Variants in PPP3CA observed in about 807,000 individuals in gnomAD.
The protein encoded by PPP3CA is protein phosphatase 3 catalytic subunit alpha, also known as CAM-PRP catalytic subunit.
PPP3CA carries 14 observed loss-of-function variants against 66.5 expected under a neutral mutation model. That is an observed-to-expected ratio of 0.21 (90% CI 0.14 to 0.33). The LOEUF is 0.33. Ranked by LOEUF, PPP3CA falls within the 10% of genes least tolerant of loss-of-function variation. The pLI is 1.00. For synonymous variants in PPP3CA, 232 were observed against 226.2 expected (o/e 1.03, Z -0.23); for missense variants, 317 against 639.5 (o/e 0.50, Z 5.44).
intron 2 of PPP3CA, among the ~76,000 whole-genome samples, chr4:101,118,770 T>C (rs1721927875): frequency 6.6e-6 from 1 of 152,058 alleles, no homozygotes; most frequent in Non-Finnish European, 1.5e-5. Flanking sequence ...GTCTACAGAA[T>C]GCATAGACTT....
At chr4:101,224,907 C>T (rs1364184298) in intron 1 of PPP3CA, among the ~76,000 whole-genome samples, 1 of 151,688 alleles carries the variant, frequency 6.6e-6, no homozygotes, top group African/African-American at 2.4e-5. Context: ...CCTCACTCCC[C>T]ACACACAATG....
At chr4:101,287,219 A>G (rs1727872109) in intron 1 of PPP3CA, among the ~76,000 whole-genome samples, 1 of 152,218 alleles carries the variant, frequency 6.6e-6, no homozygotes. Flanking sequence ...GAAATACCTT[A>G]GCTAATTTAC....
chr4:101,202,352 G>A (rs1724994212), intron 1 of PPP3CA, among the ~76,000 whole-genome samples: 1 of 152,138 alleles, frequency 6.6e-6, no homozygotes, highest in Non-Finnish European at 1.5e-5. Flanking sequence ...TCTGAACAAA[G>A]AGTAAAGAGA....
chr4:101,145,312 A>T (rs1456124806), intron 2 of PPP3CA, among the ~76,000 whole-genome samples: 3 of 152,212 alleles, frequency 2.0e-5, no homozygotes, highest in Non-Finnish European at 4.4e-5. Context: ...AAAGGAAATC[A>T]GTATATACAA....
chr4:101,047,419 A>G (rs1291492404), intron 10 of PPP3CA, among the ~76,000 whole-genome samples: 1 of 152,190 alleles, frequency 6.6e-6, no homozygotes, highest in African/African-American at 2.4e-5. Flanking sequence ...TATGAGATTA[A>G]AATGAAATGG....
At chr4:101,194,855 C>T (rs182731541) in intron 2 of PPP3CA, among the ~76,000 whole-genome samples, 104 of 152,236 alleles carry the variant, frequency 6.8e-4, no homozygotes, top group Non-Finnish European at 1.1e-3. Flanking sequence ...GAGTTAGCCA[C>T]CGCGTCCAGC....
intron 1 of PPP3CA, among the ~76,000 whole-genome samples, chr4:101,285,568 T>C (rs954283760): frequency 7.2e-5 from 11 of 151,836 alleles, no homozygotes; most frequent in African/African-American, 2.7e-4. Context: ...TACTAATTCC[T>C]TTCCCTTCCC....
chr4:101,190,700 A>G (rs982745654), intron 2 of PPP3CA, among the ~76,000 whole-genome samples: 28 of 152,164 alleles, frequency 1.8e-4, no homozygotes, highest in African/African-American at 6.8e-4. Context: ...AGAGCTTGTA[A>G]AGAAAAGAAC....
At chr4:101,132,820 C>T (rs1181582878) in intron 2 of PPP3CA, among the ~76,000 whole-genome samples, 2 of 152,194 alleles carry the variant, frequency 1.3e-5, no homozygotes, top group Admixed American at 6.5e-5. Flanking sequence ...AGGCCAATAT[C>T]CCTGATGGAC....
In PPP3CA at chr4:101,346,645, TGGGGCG is replaced by T. The variant is rs1730008691; in HGVS notation, c.58+88_58+93del. On this transcript the variant is annotated intron_variant, in intron 1 of 13. Coordinates refer to ENST00000394854, the MANE Select transcript of PPP3CA (RefSeq NM_000944.5). Reference sequence around the variant, plus strand: ...CGGCTGGAGCGGACAGAGGAGAACCTGGGGCGGGGGAGGGGAGGAAAGGCGAGGCGA... The same window carrying T: ...CGGCTGGAGCGGACAGAGGAGAACCTGGGGAGGGGAGGAAAGGCGAGGCGA... 4 of 1,063,514 alleles carry T rather than the reference TGGGGCG, an allele frequency of 3.8e-6. 1 individual carries two copies. The highest frequency in any genetic ancestry group is 2.8e-6 in the Non-Finnish European group (2 of 726,136). 65.9% of individuals were successfully genotyped at this position (1,063,514 alleles called of 1,614,324 possible). A position where few individuals can be genotyped will look rare whatever the true frequency, so the allele number is the denominator to read the frequency against.
intron 2 of PPP3CA, among the ~76,000 whole-genome samples, chr4:101,156,800 TG>T (rs1723338818): frequency 6.6e-6 from 1 of 152,238 alleles, no homozygotes; most frequent in South Asian, 2.1e-4. Context: ...GTGGGTGGCC[TG>T]AAACCAGTTT....
At chr4:101,300,094 A>T (rs1053069034) in intron 1 of PPP3CA, among the ~76,000 whole-genome samples, 1 of 152,202 alleles carries the variant, frequency 6.6e-6, no homozygotes, top group African/African-American at 2.4e-5. Context: ...CAGATAACAG[A>T]CTAACACACT....
intron 1 of PPP3CA, among the ~76,000 whole-genome samples, chr4:101,241,127 A>G (rs1243555282): frequency 6.6e-6 from 1 of 152,086 alleles, no homozygotes; most frequent in East Asian, 1.9e-4. Context: ...TCAGCCTCCT[A>G]AAGTTCTGGG....
intron 1 of PPP3CA, among the ~76,000 whole-genome samples, chr4:101,214,547 C>T (rs1476503646): frequency 6.6e-6 from 1 of 152,040 alleles, no homozygotes; most frequent in Admixed American, 6.6e-5. Context: ...TACAGTAAGA[C>T]GTGCTGGCTT....
intron 2 of PPP3CA, among the ~76,000 whole-genome samples, chr4:101,194,606 A>T (rs2850990): frequency 1.3e-5 from 2 of 151,762 alleles, no homozygotes; most frequent in African/African-American, 4.8e-5. Context: ...TCACTCTGTC[A>T]CCCAGGCTGG....
At chr4:101,026,390 C>T (rs531189233) in intron 13 of PPP3CA, among the ~76,000 whole-genome samples, 2 of 152,266 alleles carry the variant, frequency 1.3e-5, no homozygotes, top group East Asian at 1.9e-4. Context: ...AGGGACAAGC[C>T]TCTAGAACCA....
At chr4:101,290,867 A>G (rs1482231607) in intron 1 of PPP3CA, among the ~76,000 whole-genome samples, 1 of 152,210 alleles carries the variant, frequency 6.6e-6, no homozygotes, top group Non-Finnish European at 1.5e-5. Context: ...AACTCCCTGG[A>G]TACAGTGATT....
At chr4:101,167,869 T>C (rs1723742500) in intron 2 of PPP3CA, among the ~76,000 whole-genome samples, 3 of 150,532 alleles carry the variant, frequency 2.0e-5, no homozygotes, top group Admixed American at 1.3e-4. Context: ...GTAGCAGGAG[T>C]AGGAGTTGAA....
At chr4:101,269,357 T>A (rs763071530) in intron 1 of PPP3CA, among the ~76,000 whole-genome samples, 62 of 143,556 alleles carry the variant, frequency 4.3e-4, no homozygotes, top group Non-Finnish European at 9.3e-5. Context: ...ACTTTCTTAG[T>A]TCATCACACA....
Sources: gnomAD v4.1 joint callset for allele counts (sites outside exome capture counted in the v4.1 genomes callset) on GRCh38, gnomAD v4.1.1 for gene constraint, MANE v1.5 for transcripts, NCBI Gene and HGNC (gene_info 2026-07-23, HGNC 2026-07-21) for gene names.